The following UGT1A9 variants were observed in gnomAD, a reference collection of about 807,000 sequenced individuals.
UGT1A9 encodes UDP-glucuronosyltransferase 1A9.
A neutral mutation model predicts 45.0 loss-of-function variants in UGT1A9; 35 were observed. The ratio of observed to expected loss-of-function variants is 0.78; its 90% CI spans 0.59 to 1.03. The LOEUF (loss-of-function observed/expected upper bound fraction) is 1.03. UGT1A9 is among the 50% of genes least tolerant of loss of function. The pLI is 0.00. For missense variants in UGT1A9, 687 were observed against 666.6 expected (o/e 1.03, Z -0.34); for synonymous variants, 278 against 250.6 (o/e 1.11, Z -1.03).
chr2:233,705,496 C>A (rs190154138), intron 1 of UGT1A9, among the ~76,000 whole-genome samples: 369 of 152,190 alleles, frequency 2.4e-3, no homozygotes, highest in Non-Finnish European at 3.9e-3. Context: ...ATAATAAATA[C>A]CTTTTTAAGA....
At chr2:233,765,606 C>G (rs4663971) in intron 1 of UGT1A9, among the ~76,000 whole-genome samples, 75,263 of 151,312 alleles carry the variant, frequency 0.5, 19,319 homozygotes, top group African/African-American at 0.62. Context: ...GGGCTTGTGG[C>G]GGGGTGAGGG....
At chr2:233,754,984 G>A (rs527779009) in intron 1 of UGT1A9, 1 of 1,295,398 alleles carries the variant, frequency 7.7e-7, no homozygotes, top group Non-Finnish European at 1.0e-6. Context: ...ACCTCGGCGG[G>A]GTCACGGAAG....
chr2:233,719,298 G>A (rs1399021133), intron 1 of UGT1A9: 3 of 1,613,874 alleles, frequency 1.9e-6, no homozygotes, highest in Non-Finnish European at 2.5e-6. Flanking sequence ...CTGTGGGGCG[G>A]TGCTGGCTAA....
intron 1 of UGT1A9, among the ~76,000 whole-genome samples, chr2:233,696,335 C>T (rs1189013784): frequency 6.6e-6 from 1 of 152,172 alleles, no homozygotes; most frequent in Non-Finnish European, 1.5e-5. Context: ...TTTCCTTATA[C>T]AGATCTTTCA....
intron 1 of UGT1A9, chr2:233,690,016 C>A: frequency 2.3e-6 from 1 of 440,340 alleles, no homozygotes; most frequent in Admixed American, 2.6e-5. Context: ...CCATTTTGGA[C>A]CTTCCTCAAG....
rs28900404 is a variant in UGT1A9, at chr2:233,769,354, G to A, written c.1295+915G>A. ...TTATTAGAACCTTATGGGAAGAAGT[G>A]GTGGCCAGTGGTAGATTTCATCCGA... On this transcript the variant is annotated intron_variant, in intron 4 of 4. Transcript: ENST00000354728. This position sits in a 1 kb window ranked among gnomAD's most constrained non-coding sequence, Gnocchi z 4.4. Among the ~76,000 whole-genome samples the A allele has an allele frequency of 7.2e-4, 110 of 152,348 alleles. No individual in the cohort carries two copies. The highest frequency in any genetic ancestry group is 2.6e-3 in the African/African-American group (108 of 41,580).
intron 1 of UGT1A9, among the ~76,000 whole-genome samples, chr2:233,730,227 G>T (rs1389808961): frequency 2.0e-5 from 3 of 152,112 alleles, no homozygotes; most frequent in East Asian, 3.9e-4. Context: ...TTTGTAAAAG[G>T]ATGGACAAGG....
intron 1 of UGT1A9, chr2:233,739,067 G>A (rs1690974167): frequency 6.6e-6 from 1 of 152,282 alleles, no homozygotes. Context: ...TTCAGAGGGT[G>A]CAAACCTCAA....
At chr2:233,693,254 C>G in intron 1 of UGT1A9, 1 of 1,614,058 alleles carries the variant, frequency 6.2e-7, no homozygotes, top group Non-Finnish European at 8.5e-7. Flanking sequence ...GCCGTATGAC[C>G]AAGAAGAGCT....
Position 233,769,718 on chromosome 2 carries a change from C to A in UGT1A9, c.1295+1279C>A. On this transcript the variant is annotated intron_variant, in intron 4 of 4. Coordinates refer to ENST00000354728, the MANE Select transcript of UGT1A9 (RefSeq NM_021027.3). The surrounding 1 kb of genome is among the most constrained non-coding windows in gnomAD (Gnocchi z 4.4). Reference sequence around the variant, plus strand: ...TAAAAGATCAATGTTGGCTAGGCACCATGGCACACGCCTGTAGTCCCAGCC... The same window carrying A: ...TAAAAGATCAATGTTGGCTAGGCACAATGGCACACGCCTGTAGTCCCAGCC... 6.7e-7 allele frequency: 1 copy of A among 1,492,462 alleles called. No individual in the cohort carries two copies. Among genetic ancestry groups the A allele is most frequent in the Non-Finnish European group, 8.9e-7 (1 of 1,119,524 alleles). The allele number at this position is 1,492,462 out of a possible 1,614,324, so 92.5% of individuals were successfully genotyped here.
intron 1 of UGT1A9, among the ~76,000 whole-genome samples, chr2:233,759,957 T>C (rs371912681): frequency 1.3e-5 from 2 of 152,236 alleles, no homozygotes; most frequent in Non-Finnish European, 2.9e-5. Context: ...CACTACATAG[T>C]CGTCCTTCTT....
chr2:233,747,872 G>C, intron 1 of UGT1A9: 5 of 1,613,496 alleles, frequency 3.1e-6, no homozygotes, highest in Non-Finnish European at 4.2e-6. Context: ...CTCTGGCCCT[G>C]TCCTACCTTT....
intron 1 of UGT1A9, among the ~76,000 whole-genome samples, chr2:233,759,866 G>A (rs1362136524): frequency 6.6e-6 from 1 of 152,108 alleles, no homozygotes; most frequent in African/African-American, 2.4e-5. Flanking sequence ...CGAAAGCGGG[G>A]GTACAGTTGT....
rs72551330 is a variant in UGT1A9, at chr2:233,672,032, T to A, written c.98T>A (p.Met33Lys). 6.2e-7 allele frequency: 1 copy of A among 1,614,138 alleles called. No individual in the cohort carries two copies. The highest frequency in any genetic ancestry group is 2.2e-5 in the East Asian group (1 of 44,878). The change falls in exon 1 of 5, where the codon ATG becomes AAG. Residue 33 changes from methionine (M) to lysine (K), a missense_variant. Physicochemically the swap from Met to Lys is moderately conservative, Grantham distance 95. Coordinates refer to ENST00000354728, the MANE Select transcript of UGT1A9 (RefSeq NM_021027.3). ...AEAGKLLVVP[M>K]DGSHWFTMRS... Reference sequence around the variant, plus strand: ...GCAGGGAAGCTACTGGTAGTGCCCATGGATGGGAGCCACTGGTTCACCATG... The same window carrying A: ...GCAGGGAAGCTACTGGTAGTGCCCAAGGATGGGAGCCACTGGTTCACCATG...
At chr2:233,736,414 AC>A (rs1363284987) in intron 1 of UGT1A9, among the ~76,000 whole-genome samples, 6 of 152,024 alleles carry the variant, frequency 3.9e-5, no homozygotes, top group Non-Finnish European at 5.9e-5. Flanking sequence ...CATTCATCTA[AC>A]CTTTTTTCAA....
In UGT1A9 at chr2:233,693,946, CTG is replaced by C. The variant is rs2075190612; in HGVS notation, c.855+21159_855+21160del. The C allele has an allele frequency of 2.5e-6, 4 of 1,598,736 alleles. No individual in the cohort carries two copies. The Admixed American group carries it at 6.8e-5, about 27-fold the overall frequency. The stretch of plus-strand genomic sequence containing the variant: ...TCACTCATTTGGCTCCTTGAGCCGA[CTG>C]TCCCTTGGAGGATTTCCTGGAGAAA... On this transcript the variant is annotated intron_variant, in intron 1 of 4. Coordinates refer to ENST00000354728, the MANE Select transcript of UGT1A9 (RefSeq NM_021027.3).
At chr2:233,711,289 G>A (rs1304407037) in intron 1 of UGT1A9, among the ~76,000 whole-genome samples, 1 of 152,208 alleles carries the variant, frequency 6.6e-6, no homozygotes, top group Admixed American at 6.5e-5. Flanking sequence ...CTAGACGTGG[G>A]AGTAGAAATT....
intron 1 of UGT1A9, among the ~76,000 whole-genome samples, chr2:233,696,879 A>G (rs566560461): frequency 1.3e-5 from 2 of 152,306 alleles, no homozygotes; most frequent in African/African-American, 2.4e-5. Flanking sequence ...TCTACAACAT[A>G]TGAGTTCTGT....
intron 1 of UGT1A9, among the ~76,000 whole-genome samples, chr2:233,750,410 G>A (rs1353067232): frequency 6.6e-6 from 1 of 151,900 alleles, no homozygotes; most frequent in African/African-American, 2.4e-5. Flanking sequence ...CTGACCATGT[G>A]GTAGAAAAGA....
Sources: gnomAD v4.1 joint callset for allele counts (sites outside exome capture counted in the v4.1 genomes callset) on GRCh38, gnomAD v4.1.1 for gene constraint, Gnocchi (gnomAD v3.1) non-coding constraint, MANE v1.5 for transcripts, NCBI Gene and HGNC (gene_info 2026-07-23, HGNC 2026-07-21) for gene names.